Variants in PPP5C observed in about 807,000 individuals in gnomAD.
PPP5C encodes the protein protein phosphatase 5 catalytic subunit.
In PPP5C, 21 loss-of-function variants were observed where a neutral mutation model predicts 66.7. The ratio of observed to expected loss-of-function variants is 0.31; its 90% CI spans 0.22 to 0.45. PPP5C has a LOEUF of 0.45. Among genes scored for constraint, PPP5C ranks in the 20% least tolerant of loss-of-function variants. PPP5C has a pLI of 1.00. For synonymous variants in PPP5C, 246 were observed against 257.4 expected (o/e 0.96, Z 0.43); for missense variants, 464 against 675.9 (o/e 0.69, Z 3.48).
intron 4 of PPP5C, among the ~76,000 whole-genome samples, chr19:46,380,844 G>T (rs7255665): frequency 0.75 from 114,400 of 152,018 alleles, 43,748 homozygotes; most frequent in South Asian, 0.87. Context: ...TTGCCTTTGG[G>T]TTTTAGTAGT....
At position 46,376,454 on chromosome 19, in the gene PPP5C, C is replaced by T. The variant is rs373158400; in HGVS notation, c.513C>T (p.Thr171=). Residue 171 remains threonine, a splice_region_variant and synonymous_variant, in exon 4 of 13, where the codon ACC becomes ACT. Coordinates refer to ENST00000012443, the MANE Select transcript of PPP5C (RefSeq NM_006247.4). The surrounding 1 kb of genome is among the most constrained non-coding windows in gnomAD (Gnocchi z 5.1). The part of the protein sequence containing the change: ...VVDSLDIESM[T]IEDEYSGPKL... ...CGTGTCCCGTTGTTCACACCCTAGCCATTGAGGATGAGTACAGCGGACCCA... is the reference window on the plus strand; with the variant it reads ...CGTGTCCCGTTGTTCACACCCTAGCTATTGAGGATGAGTACAGCGGACCCA... 1.1e-5 allele frequency: 17 copies of T among 1,613,458 alleles called. No individual in the cohort carries two copies. Among genetic ancestry groups the T allele is most frequent in the Non-Finnish European group, 1.4e-5 (16 of 1,179,608 alleles).
At chr19:46,363,826 C>G (rs1972444567) in intron 2 of PPP5C, among the ~76,000 whole-genome samples, 1 of 152,098 alleles carries the variant, frequency 6.6e-6, no homozygotes, top group Non-Finnish European at 1.5e-5. Flanking sequence ...TATATGTAGA[C>G]ACAACATATA....
chr19:46,382,581 G>A (rs1972811499), intron 4 of PPP5C: 1 of 154,018 alleles, frequency 6.5e-6, no homozygotes, highest in Admixed American at 6.5e-5. Flanking sequence ...CACCACTTGT[G>A]AACATTTTAA....
Position 46,390,709 on chromosome 19 carries a change from C to T in PPP5C, c.*363C>T. 8.5e-7 allele frequency: 1 copy of T among 1,176,870 alleles called. No individual in the cohort carries two copies. The highest frequency in any genetic ancestry group is 3.8e-4 in the Middle Eastern group (1 of 2,634). 72.9% of individuals were successfully genotyped at this position (1,176,870 alleles called of 1,614,324 possible). On this transcript the variant is annotated 3_prime_UTR_variant, in exon 13 of 13. Coordinates refer to ENST00000012443, the MANE Select transcript of PPP5C (RefSeq NM_006247.4). ...ATAGGGCCCCGCCATAGGAAGACCCCCAGAGAGAGGGTCAGCAGGGGGGCC... is the reference window on the plus strand; with the variant it reads ...ATAGGGCCCCGCCATAGGAAGACCCTCAGAGAGAGGGTCAGCAGGGGGGCC...
intron 7 of PPP5C, among the ~76,000 whole-genome samples, chr19:46,385,446 C>T (rs1204356624): frequency 6.6e-6 from 1 of 152,116 alleles, no homozygotes; most frequent in Non-Finnish European, 1.5e-5. Flanking sequence ...GAGTTTGAGA[C>T]CAGCCTGGGC....
chr19:46,351,350 A>G (rs578053239), intron 1 of PPP5C, among the ~76,000 whole-genome samples: 6 of 152,136 alleles, frequency 3.9e-5, no homozygotes, highest in Non-Finnish European at 7.3e-5. Flanking sequence ...CGACCCGTGG[A>G]GTACAGGCTC....
rs1468216692 is a variant in PPP5C, at chr19:46,388,162, C to CT, written c.1136-245dup. 3 of 498,712 alleles carry CT rather than the reference C, an allele frequency of 6.0e-6. No homozygotes were observed. The highest frequency in any genetic ancestry group is 1.1e-5 in the Non-Finnish European group (3 of 279,344). The allele number at this position is 498,712 out of a possible 1,614,324, so 30.9% of individuals were successfully genotyped here. On this transcript the variant is annotated intron_variant, in intron 9 of 12. Transcript: ENST00000012443. The surrounding 1 kb of genome is among the most constrained non-coding windows in gnomAD (Gnocchi z 4.9). ...GATCTGAATAGTGACATTGAAAGCT[C>CT]TATCTGGCTTCGGGGCCACAGGGGA... is the stretch of plus-strand genomic sequence containing the variant.
chr19:46,384,617 G>A (rs959624829), intron 6 of PPP5C, 187 bp from the exon 7 acceptor site: 38 of 551,368 alleles, frequency 6.9e-5, no homozygotes, highest in South Asian at 3.0e-4. Context: ...CTGGAGCCAC[G>A]GTGAGGAAAG....
intron 7 of PPP5C, among the ~76,000 whole-genome samples, chr19:46,385,778 TAA>T (rs924225395): frequency 3.8e-4 from 43 of 113,978 alleles, no homozygotes; most frequent in Admixed American, 3.6e-4. Flanking sequence ...AGACTCAGTC[TAA>T]AAAAAAAAAA....
intron 2 of PPP5C, among the ~76,000 whole-genome samples, chr19:46,367,199 A>G (rs1242754308): frequency 2.0e-5 from 3 of 152,256 alleles, no homozygotes; most frequent in African/African-American, 7.2e-5. Context: ...GTTTAAAAAC[A>G]TAGTTACGGT....
At chr19:46,387,000 C>T (rs919246763) in intron 7 of PPP5C, 93 bp from the exon 8 acceptor site, 156 of 1,567,512 alleles carry the variant, frequency 1.0e-4, no homozygotes, top group Non-Finnish European at 1.3e-4. Context: ...GGGCAAGGGA[C>T]GCATGCACAG....
Position 46,373,759 on chromosome 19 carries a change from C to T in PPP5C, c.364-1845C>T, listed in dbSNP as rs145847381. Among the ~76,000 whole-genome samples, 1,261 of 152,302 alleles carry T rather than the reference C, an allele frequency of 8.3e-3. 14 individuals are homozygous for T. Among genetic ancestry groups the T allele is most frequent in the African/African-American group, 0.028 (1,144 of 41,560 alleles). ...GGTGGACAGACCGGTTCCGAACCAG[C>T]AGGGCTCACGGCTGGAACAAGGGAG... On this transcript the variant is annotated intron_variant, in intron 2 of 12. Transcript: ENST00000012443.
chr19:46,362,092 T>C (rs1972402893), intron 2 of PPP5C, among the ~76,000 whole-genome samples: 1 of 152,224 alleles, frequency 6.6e-6, no homozygotes, highest in East Asian at 1.9e-4. Flanking sequence ...ATCCTCTGTC[T>C]TGTGTATAAC....
intron 2 of PPP5C, among the ~76,000 whole-genome samples, chr19:46,358,715 A>G (rs1972329630): frequency 6.6e-6 from 1 of 152,186 alleles, no homozygotes. Context: ...ACAAAAGGAT[A>G]AATCGGGGAG....
At position 46,375,608 on chromosome 19, in the gene PPP5C, T is replaced by C; in HGVS notation, c.368T>C (p.Val123Ala). 1 of 1,613,706 alleles carries C rather than the reference T, an allele frequency of 6.2e-7. No individual in the cohort carries two copies. The highest frequency in any genetic ancestry group is 8.5e-7 in the Non-Finnish European group (1 of 1,179,866). ...CGCCCCTTCCCTCCCACCCAGGTGGTCAAGGTGAAGCCCCATGACAAGGAT... is the reference window on the plus strand; with the variant it reads ...CGCCCCTTCCCTCCCACCCAGGTGGCCAAGGTGAAGCCCCATGACAAGGAT... ...RAALRDYETV[V>A]KVKPHDKDAK... The change falls in exon 3 of 13, where the codon GTC becomes GCC. Residue 123 changes from valine to alanine, a missense_variant. Transcript: ENST00000012443.
intron 1 of PPP5C, among the ~76,000 whole-genome samples, chr19:46,351,132 G>C (rs1429300724): frequency 6.6e-6 from 1 of 152,220 alleles, no homozygotes; most frequent in East Asian, 1.9e-4. Flanking sequence ...ATAAGAGCTT[G>C]TGGGGAGGAA....
At chr19:46,354,244 A>G (rs777871966) in intron 2 of PPP5C, among the ~76,000 whole-genome samples, 1 of 152,218 alleles carries the variant, frequency 6.6e-6, no homozygotes, top group Non-Finnish European at 1.5e-5. Flanking sequence ...TGAGGAGAAC[A>G]AGAGGATCAG....
At chr19:46,389,402 C>CAGTGTTGAGTAAG (rs1972961812) in intron 11 of PPP5C, among the ~76,000 whole-genome samples, 2 of 23,624 alleles carry the variant, frequency 8.5e-5, no homozygotes, top group African/African-American at 2.4e-4. Context: ...CACACACACA[C>CAGTGTTGAGTAAG]ACACACACAC....
At chr19:46,377,572 TAG>T (rs1972717716) in intron 4 of PPP5C, among the ~76,000 whole-genome samples, 1 of 152,226 alleles carries the variant, frequency 6.6e-6, no homozygotes, top group South Asian at 2.1e-4. Context: ...GATGAGTTTT[TAG>T]AGTTTTATGT....
Sources: allele counts gnomAD v4.1 joint callset (sites outside exome capture counted in the v4.1 genomes callset), GRCh38; gene constraint gnomAD v4.1.1; non-coding constraint Gnocchi (gnomAD v3.1); transcripts MANE v1.5; gene names NCBI Gene and HGNC (gene_info 2026-07-23, HGNC 2026-07-21).